Variants in DCC observed in about 807,000 individuals in gnomAD.
The protein encoded by DCC is DCC netrin 1 receptor.
A neutral mutation model predicts 172.5 loss-of-function variants in DCC; 58 were observed. That is an observed-to-expected ratio of 0.34 (90% CI 0.27 to 0.42). The LOEUF (loss-of-function observed/expected upper bound fraction) is 0.42, where lower values mean the gene tolerates loss of function less well. DCC is among the 10% of genes least tolerant of loss of function. DCC has a pLI of 1.00. For synonymous variants in DCC, 709 were observed against 644.5 expected (o/e 1.10, Z -1.52); for missense variants, 1,740 against 1,791.0 (o/e 0.97, Z 0.51).
At chr18:53,260,242 G>C (rs1395440675) in intron 12 of DCC, among the ~76,000 whole-genome samples, 4 of 152,132 alleles carry the variant, frequency 2.6e-5, no homozygotes, top group Middle Eastern at 3.2e-3. Flanking sequence ...TTGGTTGCTG[G>C]TGAGGAGCTG....
chr18:52,653,686 A>C (rs2035188933), intron 1 of DCC, among the ~76,000 whole-genome samples: 1 of 152,156 alleles, frequency 6.6e-6, no homozygotes, highest in Admixed American at 6.5e-5. Flanking sequence ...AAAGGTTGAA[A>C]TTTTGACTTT....
intron 28 of DCC, among the ~76,000 whole-genome samples, chr18:53,527,169 C>T (rs1269827403): frequency 7.5e-6 from 1 of 132,734 alleles, no homozygotes; most frequent in Non-Finnish European, 1.6e-5. Flanking sequence ...CCTTGGCATT[C>T]TTGGAAATAA....
At chr18:52,396,201 G>A (rs1265664899) in intron 1 of DCC, among the ~76,000 whole-genome samples, 1 of 151,734 alleles carries the variant, frequency 6.6e-6, no homozygotes, top group Non-Finnish European at 1.5e-5. Context: ...TCCCTATTCT[G>A]CATGTTATTT....
chr18:53,364,436 A>C (rs1409922428), intron 15 of DCC, among the ~76,000 whole-genome samples: 1 of 152,118 alleles, frequency 6.6e-6, no homozygotes, highest in African/African-American at 2.4e-5. Context: ...TTGGCCCAGC[A>C]AATTTTTATG....
At chr18:52,855,763 CT>C (rs71175526) in intron 2 of DCC, among the ~76,000 whole-genome samples, 2,026 of 121,222 alleles carry the variant, frequency 0.017, 43 homozygotes, top group Middle Eastern at 0.06. Flanking sequence ...CGTATAAATT[CT>C]TTTTTTTTTT....
At chr18:52,750,834 C>T (rs1399854993) in intron 1 of DCC, among the ~76,000 whole-genome samples, 1 of 151,758 alleles carries the variant, frequency 6.6e-6, no homozygotes, top group Non-Finnish European at 1.5e-5. Context: ...TTACAAAGTA[C>T]AACGAAAAGT....
At chr18:53,123,935 A>G (rs911850056) in intron 7 of DCC, among the ~76,000 whole-genome samples, 1 of 152,056 alleles carries the variant, frequency 6.6e-6, no homozygotes, top group Non-Finnish European at 1.5e-5. Context: ...TGGAATCATC[A>G]GTGAGGCACA....
chr18:52,951,591 T>A (rs1297137663), intron 5 of DCC, among the ~76,000 whole-genome samples: 1 of 152,206 alleles, frequency 6.6e-6, no homozygotes, highest in East Asian at 1.9e-4. Flanking sequence ...GCTTCATCCA[T>A]GTCCCTGCAA....
chr18:52,629,865 G>A, intron 1 of DCC, among the ~76,000 whole-genome samples: 1 of 150,918 alleles, frequency 6.6e-6, no homozygotes, highest in East Asian at 2.0e-4. Context: ...CAGGAGAATG[G>A]CGTGAAACCG....
intron 27 of DCC, among the ~76,000 whole-genome samples, chr18:53,522,994 G>T (rs1439277658): frequency 3.9e-5 from 6 of 152,272 alleles, no homozygotes; most frequent in African/African-American, 1.4e-4. Flanking sequence ...CAGAATGGGA[G>T]AAATTTTTTG....
At position 53,451,249 on chromosome 18, in the gene DCC, C is replaced by A. The variant is rs79268556; in HGVS notation, c.3392+587C>A. ...TGTCAGAAATTAAAAGTGTTGAGGG[C>A]TTTAAGAATATTTTCATATTATGCA... On this transcript the variant is annotated intron_variant, in intron 23 of 28. Transcript: ENST00000442544. Among the ~76,000 whole-genome samples the A allele has an allele frequency of 7.1e-3, 1,079 of 152,248 alleles. 67 individuals are homozygous for A. In the East Asian group the frequency reaches 0.15, roughly 22 times the overall value.
intron 8 of DCC, among the ~76,000 whole-genome samples, chr18:53,169,730 G>T (rs934279244): frequency 2.6e-5 from 4 of 152,126 alleles, no homozygotes; most frequent in Non-Finnish European, 5.9e-5. Flanking sequence ...AGTTGTTAAC[G>T]CAGTGAGAGG....
chr18:52,467,085 A>G (rs34418947), intron 1 of DCC, among the ~76,000 whole-genome samples: 83,557 of 151,650 alleles, frequency 0.55, 23,387 homozygotes, highest in Middle Eastern at 0.66. Context: ...TCTGGGATAC[A>G]TGTGCGGAAT....
chr18:52,647,667 A>C (rs2035044299), intron 1 of DCC, among the ~76,000 whole-genome samples: 1 of 152,252 alleles, frequency 6.6e-6, no homozygotes, highest in Non-Finnish European at 1.5e-5. Context: ...AATGCTAAAA[A>C]TATAAACATC....
intron 5 of DCC, among the ~76,000 whole-genome samples, chr18:52,974,978 T>C (rs1302897895): frequency 6.6e-6 from 1 of 152,202 alleles, no homozygotes; most frequent in Non-Finnish European, 1.5e-5. Flanking sequence ...TTTAACAGAT[T>C]TCTACTCTAT....
At chr18:53,022,991 G>T (rs2041902493) in intron 5 of DCC, among the ~76,000 whole-genome samples, 1 of 151,988 alleles carries the variant, frequency 6.6e-6, no homozygotes, top group Non-Finnish European at 1.5e-5. Flanking sequence ...ACACAAATAG[G>T]TTAACGCTAT....
intron 7 of DCC, among the ~76,000 whole-genome samples, chr18:53,156,391 G>A (rs186042668): frequency 1.3e-5 from 2 of 152,096 alleles, no homozygotes; most frequent in Admixed American, 6.5e-5. Flanking sequence ...GCCTGAGGCA[G>A]GAGAATCACT....
At chr18:53,335,659 G>A (rs376586769) in intron 14 of DCC, among the ~76,000 whole-genome samples, 8 of 152,126 alleles carry the variant, frequency 5.3e-5, no homozygotes, top group Admixed American at 1.3e-4. Flanking sequence ...ATAATCAAGA[G>A]TGGCAATTGA....
At chr18:52,655,885 T>C (rs2035233360) in intron 1 of DCC, among the ~76,000 whole-genome samples, 1 of 151,366 alleles carries the variant, frequency 6.6e-6, no homozygotes, top group Non-Finnish European at 1.5e-5. Flanking sequence ...ATTCCTGAGA[T>C]CCCTTGGATA....
Sources: gnomAD v4.1 joint callset for allele counts (sites outside exome capture counted in the v4.1 genomes callset) on GRCh38, gnomAD v4.1.1 for gene constraint, MANE v1.5 for transcripts, NCBI Gene and HGNC (gene_info 2026-07-23, HGNC 2026-07-21) for gene names.